Variants in VPS13B observed in about 807,000 individuals in gnomAD.
VPS13B encodes the protein intermembrane lipid transfer protein VPS13B.
VPS13B carries 285 observed loss-of-function variants against 426.4 expected under a neutral mutation model. The observed-to-expected ratio is 0.67, with a 90% CI of 0.61 to 0.74. The LOEUF is 0.74. VPS13B is among the 30% of genes least tolerant of loss of function. The pLI is 0.00. For missense variants in VPS13B, 4,537 were observed against 4,782.6 expected (o/e 0.95, Z 1.51); for synonymous variants, 1,676 against 1,676.4 (o/e 1.00, Z 0.01).
intron 33 of VPS13B, among the ~76,000 whole-genome samples, chr8:99,604,795 T>A (rs1366111059): frequency 6.6e-6 from 1 of 152,090 alleles, no homozygotes; most frequent in Non-Finnish European, 1.5e-5. Flanking sequence ...AGCTTGACGG[T>A]TTTTAGCAGT....
Position 99,720,415 on chromosome 8 carries a change from A to G in VPS13B, c.6728A>G (p.Glu2243Gly), listed in dbSNP as rs751542748. ...GAATTACTCAATGGATACCTTAATGAGGAGGGAAATTTTGAAGTACAAGTT... is the reference window on the plus strand; with the variant it reads ...GAATTACTCAATGGATACCTTAATGGGGAGGGAAATTTTGAAGTACAAGTT... ...LHELLNGYLN[E>G]EGNFEVQVSE... Residue 2243 changes from glutamate (E) to glycine (G), a missense_variant, in exon 38 of 62, where the codon GAG (glutamate) becomes GGG (glycine). Glu to Gly is a moderately conservative substitution (Grantham distance 98). Around this residue, in one of 2 missense-constraint regions of VPS13B, gnomAD observed 4,311 missense variants for 4,474.3 expected, o/e 0.96. Transcript: ENST00000357162. 19 of 1,614,006 alleles carry G rather than the reference A, an allele frequency of 1.2e-5. No individual in the cohort carries two copies. The South Asian group carries it at 2.1e-4, about 18-fold the overall frequency.
intron 33 of VPS13B, among the ~76,000 whole-genome samples, chr8:99,612,383 G>T (rs1827880781): frequency 6.6e-6 from 1 of 152,142 alleles, no homozygotes; most frequent in Non-Finnish European, 1.5e-5. Flanking sequence ...AAATATCTAT[G>T]GTGGTGAAAT....
At chr8:99,381,565 C>T (rs1588312938) in intron 19 of VPS13B, among the ~76,000 whole-genome samples, 1 of 152,156 alleles carries the variant, frequency 6.6e-6, no homozygotes, top group African/African-American at 2.4e-5. Flanking sequence ...TCGCCAACAT[C>T]TGTTATTTTT....
chr8:99,016,751 C>T (rs974652479), intron 2 of VPS13B, among the ~76,000 whole-genome samples: 9 of 151,710 alleles, frequency 5.9e-5, no homozygotes, highest in South Asian at 2.1e-4. Context: ...CCACCATGCC[C>T]GGCTAATTTT....
chr8:99,517,083 C>T (rs1375821224), intron 29 of VPS13B, among the ~76,000 whole-genome samples: 1 of 152,170 alleles, frequency 6.6e-6, no homozygotes, highest in African/African-American at 2.4e-5. Flanking sequence ...TTGTTGAAAG[C>T]TGTCACAACA....
intron 35 of VPS13B, among the ~76,000 whole-genome samples, chr8:99,669,065 T>G (rs1042374670): frequency 1.3e-5 from 2 of 152,128 alleles, no homozygotes; most frequent in African/African-American, 4.8e-5. Context: ...GGGCCACCTG[T>G]TCCCAGCACA....
chr8:99,537,586 A>T (rs1823324285), intron 30 of VPS13B, among the ~76,000 whole-genome samples: 1 of 152,194 alleles, frequency 6.6e-6, no homozygotes, highest in Non-Finnish European at 1.5e-5. Context: ...TGCTAAACAG[A>T]AGTTGCCCTC....
rs548138958 is a variant in VPS13B at position 99,148,366 on chromosome 8, A to G, written c.2013+356A>G. Among the ~76,000 whole-genome samples the G allele has an allele frequency of 2.0e-5, 3 of 149,602 alleles. No individual in the cohort carries two copies. The East Asian group carries it at 5.8e-4, about 29-fold the overall frequency. On this transcript the variant is annotated intron_variant, in intron 14 of 61. Transcript: ENST00000357162. ...GTGTCACAGTGTGACCCTGTCTCAA[A>G]AAAAAAAAAAAGAAAAAGATAAAAG...
rs1451540401 is a variant in VPS13B, at chr8:99,190,977, G to A, written c.2334-1899G>A. On this transcript the variant is annotated intron_variant, in intron 16 of 61. Transcript: ENST00000357162. ...TTAACATTTTTTGTAGTACAGATATGCTGGTGAGGAATTCTTCCCAGCGTT... is the reference window on the plus strand; with the variant it reads ...TTAACATTTTTTGTAGTACAGATATACTGGTGAGGAATTCTTCCCAGCGTT... 2.6e-5 allele frequency among the ~76,000 whole-genome samples: 4 copies of A among 151,970 alleles called. No homozygotes were observed. In the East Asian group the frequency reaches 7.7e-4, roughly 29 times the overall value.
chr8:99,699,131 C>CTTTT (rs370004663), intron 35 of VPS13B, among the ~76,000 whole-genome samples: 17 of 90,550 alleles, frequency 1.9e-4, no homozygotes, highest in East Asian at 7.1e-4. Context: ...TAAGGAAAGT[C>CTTTT]TTTTTTTTTT....
chr8:99,166,944 C>T (rs7460376), intron 15 of VPS13B, among the ~76,000 whole-genome samples: 29,750 of 151,952 alleles, frequency 0.2, 3,405 homozygotes, highest in East Asian at 0.38. Flanking sequence ...TAAGAATAAA[C>T]AGAGAATCAG....
At chr8:99,562,165 G>A (rs1266541288) in intron 31 of VPS13B, among the ~76,000 whole-genome samples, 1 of 152,078 alleles carries the variant, frequency 6.6e-6, no homozygotes, top group East Asian at 1.9e-4. Context: ...ACATCATTGT[G>A]GTTTTCACTT....
chr8:99,772,816 G>A (rs1201240136), intron 40 of VPS13B, among the ~76,000 whole-genome samples: 1 of 152,136 alleles, frequency 6.6e-6, no homozygotes, highest in Non-Finnish European at 1.5e-5. Context: ...ACACACTCCT[G>A]CATCCTCTCT....
chr8:99,084,885 A>C (rs1034659107), intron 3 of VPS13B, among the ~76,000 whole-genome samples: 1 of 152,154 alleles, frequency 6.6e-6, no homozygotes, highest in Non-Finnish European at 1.5e-5. Context: ...TATGTGATCA[A>C]TTTTGGAATA....
chr8:99,156,435 C>A, intron 14 of VPS13B, 114 bp from the exon 15 acceptor site: 1 of 968,842 alleles, frequency 1.0e-6, no homozygotes, highest in Non-Finnish European at 1.6e-6. Flanking sequence ...GGCATCATTT[C>A]TAGATTGATT....
intron 30 of VPS13B, among the ~76,000 whole-genome samples, chr8:99,544,023 T>C (rs1257979913): frequency 3.4e-5 from 5 of 146,504 alleles, no homozygotes; most frequent in Non-Finnish European, 6.0e-5. Flanking sequence ...CGTATGTTTA[T>C]TGCGGCACTA....
chr8:99,358,014 ACACACACACACACACACACAC>A (rs1812277710), intron 19 of VPS13B, among the ~76,000 whole-genome samples: 1 of 151,496 alleles, frequency 6.6e-6, no homozygotes, highest in African/African-American at 2.4e-5. Flanking sequence ...ACACACACAC[ACACACACACACACACACACAC>A]CACACACACT....
chr8:99,553,395 C>T (rs767228337), intron 30 of VPS13B, among the ~76,000 whole-genome samples: 117 of 152,130 alleles, frequency 7.7e-4, no homozygotes, highest in African/African-American at 2.6e-3. Flanking sequence ...TTATCTTTAT[C>T]GTTTTCGTTG....
chr8:99,403,509 A>G (rs1815157588), intron 21 of VPS13B, among the ~76,000 whole-genome samples: 1 of 150,594 alleles, frequency 6.6e-6, no homozygotes, highest in Admixed American at 6.7e-5. Context: ...AGATTGCGTC[A>G]CTGCACTCCA....
Sources: gnomAD v4.1 joint callset for allele counts (sites outside exome capture counted in the v4.1 genomes callset) on GRCh38, gnomAD v4.1.1 for gene constraint, gnomAD v4.1.1 regional missense constraint, MANE v1.5 for transcripts, NCBI Gene and HGNC (gene_info 2026-07-23, HGNC 2026-07-21) for gene names.